The following ZBTB38 variants were observed in gnomAD, a reference collection of about 807,000 sequenced individuals.
ZBTB38 encodes the protein zinc finger and BTB domain-containing protein 38.
In ZBTB38, 20 loss-of-function variants were observed where a neutral mutation model predicts 76.8. The ratio of observed to expected loss-of-function variants is 0.26; its 90% CI spans 0.18 to 0.38. ZBTB38 has a LOEUF of 0.38. Ranked by LOEUF, ZBTB38 falls within the 10% of genes least tolerant of loss-of-function variation. The probability of loss-of-function intolerance (pLI) is 1.00; values close to 1 mark genes in which losing one functional copy is unlikely to be tolerated. For synonymous variants in ZBTB38, 504 were observed against 544.2 expected (o/e 0.93, Z 1.03); for missense variants, 1,082 against 1,482.3 (o/e 0.73, Z 4.43).
intron 1 of ZBTB38, among the ~76,000 whole-genome samples, chr3:141,332,688 A>G (rs1942888283): frequency 6.6e-6 from 1 of 152,188 alleles, no homozygotes; most frequent in Non-Finnish European, 1.5e-5. Flanking sequence ...CTTGGCTTCT[A>G]GAAGAGCCTG....
intron 5 of ZBTB38, among the ~76,000 whole-genome samples, chr3:141,435,449 G>A (rs1446709458): frequency 2.0e-5 from 3 of 152,088 alleles, no homozygotes; most frequent in African/African-American, 7.2e-5. Flanking sequence ...ATACACATGT[G>A]TAATATGCAT....
chr3:141,345,251 G>A (rs1943315037), intron 1 of ZBTB38, among the ~76,000 whole-genome samples: 2 of 152,004 alleles, frequency 1.3e-5, no homozygotes, highest in South Asian at 4.1e-4. Flanking sequence ...GAGGCACAGT[G>A]TTCCCAGATG....
chr3:141,382,026 G>A (rs1946265747), intron 3 of ZBTB38, among the ~76,000 whole-genome samples: 1 of 152,124 alleles, frequency 6.6e-6, no homozygotes, highest in Admixed American at 6.5e-5. Context: ...TTAAAAATAT[G>A]TTGGAAAAAA....
intron 1 of ZBTB38, among the ~76,000 whole-genome samples, chr3:141,343,942 A>T (rs1391228895): frequency 6.6e-6 from 1 of 152,166 alleles, no homozygotes; most frequent in Non-Finnish European, 1.5e-5. Flanking sequence ...GGCCTCTAAC[A>T]GTAGAAGAGA....
chr3:141,377,179 A>G (rs1945498586), intron 2 of ZBTB38, among the ~76,000 whole-genome samples: 1 of 152,218 alleles, frequency 6.6e-6, no homozygotes, highest in South Asian at 2.1e-4. Context: ...CCAGATAGCA[A>G]TGTCCCACCA....
In ZBTB38 at chr3:141,347,510, G is replaced by A. The variant is rs574538714; in HGVS notation, c.-738-21111G>A. On this transcript the variant is annotated intron_variant, in intron 1 of 7. Transcript: ENST00000509842. Reference sequence around the variant, plus strand: ...GCTGTGTAAAATACATTATACACGGGCCTGTTTGGTTTCAGACTCCTTCCT... The same window carrying A: ...GCTGTGTAAAATACATTATACACGGACCTGTTTGGTTTCAGACTCCTTCCT... Among the ~76,000 whole-genome samples, 16 of 152,278 alleles carry A rather than the reference G, an allele frequency of 1.1e-4. No homozygotes were observed. The East Asian group carries it at 3.1e-3, about 29-fold the overall frequency.
At chr3:141,340,925 G>A (rs959428672) in intron 1 of ZBTB38, among the ~76,000 whole-genome samples, 1 of 17,398 alleles carries the variant, frequency 5.7e-5, no homozygotes, top group Non-Finnish European at 9.1e-5. Context: ...AAAAGGAAAG[G>A]AAAAAAGAAA....
chr3:141,346,688 C>T (rs540175519), intron 1 of ZBTB38, among the ~76,000 whole-genome samples: 1 of 152,152 alleles, frequency 6.6e-6, no homozygotes, highest in East Asian at 1.9e-4. Context: ...TCAGCCTGGT[C>T]CACTCCACAT....
chr3:141,334,797 C>T (rs538594670), intron 1 of ZBTB38, among the ~76,000 whole-genome samples: 21 of 152,314 alleles, frequency 1.4e-4, no homozygotes, highest in Middle Eastern at 3.4e-3. Flanking sequence ...TGCCCAGTTC[C>T]TCTACCTGAG....
rs557286500 is a variant in ZBTB38 at position 141,358,246 on chromosome 3, T to C, written c.-738-10375T>C. The stretch of plus-strand genomic sequence containing the variant: ...CCAGGCAGAAATATTAGGGAGAACA[T>C]TTGAATTGAACCTCAGAGGCAAGTT... On this transcript the variant is annotated intron_variant, in intron 1 of 7. Transcript: ENST00000509842. 6.6e-5 allele frequency among the ~76,000 whole-genome samples: 10 copies of C among 152,198 alleles called. No individual in the cohort carries two copies. The East Asian group carries it at 1.9e-3, about 29-fold the overall frequency.
rs191937460 is a variant in ZBTB38 at position 141,432,463 on chromosome 3, G to A, written c.1-9926G>A. On this transcript the variant is annotated intron_variant, in intron 5 of 5. Coordinates refer to ENST00000321464, the MANE Select transcript of ZBTB38 (RefSeq NM_001376113.1). ...AAAAATGGGGTTCAGTCTGGCCCTG[G>A]AGAGTGGCTTTGAATAAGTGACTTG... Among the ~76,000 whole-genome samples, 263 of 152,250 alleles carry A rather than the reference G, an allele frequency of 1.7e-3. 2 individuals are homozygous for A. Among genetic ancestry groups the A allele is most frequent in the Middle Eastern group, 0.014 (4 of 294 alleles).
At chr3:141,421,494 TTTTTG>T (rs757252656) in intron 5 of ZBTB38, among the ~76,000 whole-genome samples, 1 of 152,076 alleles carries the variant, frequency 6.6e-6, no homozygotes, top group Non-Finnish European at 1.5e-5. Flanking sequence ...TTTTTGGGTT[TTTTTG>T]TTTTGTTTTG....
upstream of ZBTB38, among the ~76,000 whole-genome samples, chr3:141,367,972 A>G (rs757057024): frequency 1.3e-5 from 2 of 152,240 alleles, no homozygotes; most frequent in Admixed American, 6.5e-5. Context: ...CACCCAGGGT[A>G]GGGAGCGAAG....
At chr3:141,335,986 A>G (rs1943005594) in intron 1 of ZBTB38, among the ~76,000 whole-genome samples, 1 of 152,200 alleles carries the variant, frequency 6.6e-6, no homozygotes, top group Admixed American at 6.5e-5. Flanking sequence ...AAAATATCAT[A>G]TATTCTTTTC....
At chr3:141,396,624 T>C in intron 4 of ZBTB38, 1 of 175,218 alleles carries the variant, frequency 5.7e-6, no homozygotes. Flanking sequence ...GAGCAATCAC[T>C]GTCTATGGCA....
At chr3:141,345,756 T>A (rs1410684102) in intron 1 of ZBTB38, among the ~76,000 whole-genome samples, 1 of 151,978 alleles carries the variant, frequency 6.6e-6, no homozygotes, top group African/African-American at 2.4e-5. Context: ...AGGCTGGTAG[T>A]GCTTAACCTA....
At chr3:141,383,988 A>G (rs569070637) in intron 3 of ZBTB38, among the ~76,000 whole-genome samples, 8 of 152,374 alleles carry the variant, frequency 5.3e-5, no homozygotes, top group African/African-American at 1.9e-4. Flanking sequence ...TAATTCAGGC[A>G]TGGGCATGGT....
chr3:141,329,263 C>G (rs909133850), intron 1 of ZBTB38, among the ~76,000 whole-genome samples: 2 of 152,190 alleles, frequency 1.3e-5, no homozygotes, highest in African/African-American at 4.8e-5. Context: ...GAAGGAAGGT[C>G]CCTGACTGTG....
At chr3:141,329,320 C>G (rs1170917409) in intron 1 of ZBTB38, among the ~76,000 whole-genome samples, 2 of 152,166 alleles carry the variant, frequency 1.3e-5, no homozygotes, top group Non-Finnish European at 2.9e-5. Context: ...TAGAGAAATG[C>G]CTTCAACATG....
Sources: allele counts gnomAD v4.1 joint callset (sites outside exome capture counted in the v4.1 genomes callset), GRCh38; gene constraint gnomAD v4.1.1; transcripts MANE v1.5; gene names NCBI Gene and HGNC (gene_info 2026-07-23, HGNC 2026-07-21).